SGCZ: variants seen among roughly 807,000 people sequenced by gnomAD.
SGCZ encodes sarcoglycan zeta.
Under a neutral mutation model 41.3 loss-of-function variants are expected in SGCZ, and 40 were observed. The ratio of observed to expected loss-of-function variants is 0.97; its 90% CI spans 0.75 to 1.26. The LOEUF (loss-of-function observed/expected upper bound fraction) is 1.26. Ranked by LOEUF, SGCZ falls within the 50% of genes most tolerant of loss-of-function variation. The pLI is 0.00. For synonymous variants in SGCZ, 206 were observed against 137.5 expected (o/e 1.50, Z -3.49); for missense variants, 552 against 369.8 (o/e 1.49, Z -4.04).
chr8:15,039,245 T>C (rs1197118792), intron 1 of SGCZ, among the ~76,000 whole-genome samples: 1 of 152,110 alleles, frequency 6.6e-6, no homozygotes, highest in Non-Finnish European at 1.5e-5. Context: ...AATTGATGGA[T>C]GGATGAATAA....
chr8:15,148,646 G>A (rs182801201), intron 1 of SGCZ, among the ~76,000 whole-genome samples: 3 of 152,142 alleles, frequency 2.0e-5, no homozygotes, highest in Non-Finnish European at 2.9e-5. Context: ...CTTATACTAC[G>A]GCTAATAGGT....
intron 1 of SGCZ, among the ~76,000 whole-genome samples, chr8:14,601,814 T>G (rs1279401677): frequency 3.3e-5 from 5 of 152,194 alleles, no homozygotes; most frequent in Non-Finnish European, 7.4e-5. Flanking sequence ...TCCCTTTAAT[T>G]AATCCTTAAA....
chr8:15,180,003 A>G (rs268356), intron 1 of SGCZ, among the ~76,000 whole-genome samples: 73,448 of 152,066 alleles, frequency 0.48, 19,079 homozygotes, highest in Non-Finnish European at 0.58. Context: ...TAGTAGGCTG[A>G]CTATTATATG....
At chr8:14,579,901 T>A (rs1202991771) in intron 1 of SGCZ, among the ~76,000 whole-genome samples, 2 of 152,152 alleles carry the variant, frequency 1.3e-5, no homozygotes, top group Non-Finnish European at 2.9e-5. Flanking sequence ...TCTAAGCAGA[T>A]GTTTTATGTG....
chr8:14,536,934 G>A (rs901508290), intron 2 of SGCZ, among the ~76,000 whole-genome samples: 1 of 151,906 alleles, frequency 6.6e-6, no homozygotes, highest in Admixed American at 6.6e-5. Flanking sequence ...AAAAAATTAA[G>A]TAGGTCTTAA....
chr8:14,469,522 C>A (rs182521963), intron 2 of SGCZ, among the ~76,000 whole-genome samples: 17 of 152,074 alleles, frequency 1.1e-4, no homozygotes, highest in Admixed American at 2.0e-4. Flanking sequence ...ATGCATTTGT[C>A]CCCATTTCCT....
intron 2 of SGCZ, among the ~76,000 whole-genome samples, chr8:14,530,006 T>C (rs1450498915): frequency 6.6e-6 from 1 of 152,140 alleles, no homozygotes; most frequent in Non-Finnish European, 1.5e-5. Flanking sequence ...TGACTGACTT[T>C]AGGCTTTTAA....
intron 1 of SGCZ, among the ~76,000 whole-genome samples, chr8:14,884,596 A>G (rs546583952): frequency 2.6e-5 from 4 of 152,076 alleles, no homozygotes; most frequent in African/African-American, 7.2e-5. Context: ...AACTACTCTC[A>G]TGGTTTTTAA....
intron 1 of SGCZ, among the ~76,000 whole-genome samples, chr8:14,714,738 T>C (rs1449790456): frequency 2.0e-5 from 3 of 152,062 alleles, no homozygotes; most frequent in African/African-American, 7.2e-5. Flanking sequence ...AGAAAAAAAT[T>C]AAAAATAAAT....
chr8:14,839,224 G>C (rs1201599719), intron 1 of SGCZ, among the ~76,000 whole-genome samples: 1 of 152,000 alleles, frequency 6.6e-6, no homozygotes, highest in Non-Finnish European at 1.5e-5. Context: ...ATTTGATATG[G>C]GGTATAGAAA....
intron 1 of SGCZ, among the ~76,000 whole-genome samples, chr8:15,085,224 AT>A (rs1383611560): frequency 6.6e-6 from 1 of 152,140 alleles, no homozygotes; most frequent in Non-Finnish European, 1.5e-5. Context: ...CTCACAGTTA[AT>A]TTTAACATCC....
Position 14,102,369 on chromosome 8 carries a change from G to C in SGCZ, c.744+7C>G. 1 of 1,472,544 alleles carries C rather than the reference G, an allele frequency of 6.8e-7. No individual in the cohort carries two copies. Among genetic ancestry groups the C allele is most frequent in the Non-Finnish European group, 9.1e-7 (1 of 1,095,320 alleles). 91.2% of individuals were successfully genotyped at this position (1,472,544 alleles called of 1,614,324 possible). ...ATAGGGCGAGGGTCCAACTTTCTGG[G>C]ACTCACCTCCCCTTCTGTAGATTGC... On this transcript the variant is annotated splice_region_variant and intron_variant, in intron 7 of 7. Coordinates refer to ENST00000382080, the MANE Select transcript of SGCZ (RefSeq NM_139167.4).
chr8:14,763,547 G>C (rs1467206506), intron 1 of SGCZ, among the ~76,000 whole-genome samples: 1 of 152,024 alleles, frequency 6.6e-6, no homozygotes, highest in Non-Finnish European at 1.5e-5. Context: ...ATTATCGAAA[G>C]TGTCTTTATT....
At position 14,984,470 on chromosome 8, in the gene SGCZ, T is replaced by C. The variant is rs944536497; in HGVS notation, c.39+253115A>G. ...TGTCTCTTAAATCTCCTTTAATCTA[T>C]AGATTTTTTTTCCTCTCTATTTCTT... On this transcript the variant is annotated intron_variant, in intron 1 of 7. Coordinates refer to ENST00000382080, the MANE Select transcript of SGCZ (RefSeq NM_139167.4). Among the ~76,000 whole-genome samples, 13 of 152,156 alleles carry C rather than the reference T, an allele frequency of 8.5e-5. No homozygotes were observed. In the East Asian group the frequency reaches 1.9e-3, roughly 23 times the overall value.
intron 3 of SGCZ, among the ~76,000 whole-genome samples, chr8:14,273,282 T>G (rs2117268458): frequency 6.6e-6 from 1 of 152,288 alleles, no homozygotes; most frequent in South Asian, 2.1e-4. Context: ...CCATTTTAAT[T>G]ACAAGAAATT....
intron 4 of SGCZ, among the ~76,000 whole-genome samples, chr8:14,207,317 G>A (rs1805648080): frequency 6.6e-6 from 1 of 152,168 alleles, no homozygotes; most frequent in African/African-American, 2.4e-5. Context: ...TAAATTAGAA[G>A]TAAATGGTCA....
At chr8:15,122,487 G>A (rs561297203) in intron 1 of SGCZ, among the ~76,000 whole-genome samples, 3 of 151,958 alleles carry the variant, frequency 2.0e-5, no homozygotes, top group Non-Finnish European at 2.9e-5. Flanking sequence ...ATCTTTCCAG[G>A]TACAAAAATT....
At chr8:14,606,626 C>T (rs1286253106) in intron 1 of SGCZ, among the ~76,000 whole-genome samples, 1 of 152,122 alleles carries the variant, frequency 6.6e-6, no homozygotes, top group Non-Finnish European at 1.5e-5. Flanking sequence ...TGAGAAACTG[C>T]AATTAAATAG....
chr8:15,023,005 A>G (rs1440457490), intron 1 of SGCZ, among the ~76,000 whole-genome samples: 3 of 152,172 alleles, frequency 2.0e-5, no homozygotes, highest in Non-Finnish European at 4.4e-5. Context: ...ACCTTAAACT[A>G]CTGTGGGCAT....
Sources: allele counts gnomAD v4.1 joint callset (sites outside exome capture counted in the v4.1 genomes callset), GRCh38; gene constraint gnomAD v4.1.1; transcripts MANE v1.5; gene names NCBI Gene and HGNC (gene_info 2026-07-23, HGNC 2026-07-21).